Variants in CTNNA2 observed in about 807,000 individuals in gnomAD.
CTNNA2 encodes the protein catenin alpha 2.
CTNNA2 carries 42 observed loss-of-function variants against 101.0 expected under a neutral mutation model. The ratio of observed to expected loss-of-function variants is 0.42; its 90% CI spans 0.32 to 0.54. The LOEUF is 0.54. Among genes scored for constraint, CTNNA2 ranks in the 20% least tolerant of loss-of-function variants. CTNNA2 has a pLI of 0.14. For synonymous variants in CTNNA2, 450 were observed against 456.4 expected, an observed-to-expected ratio of 0.99 and a Z score of 0.18; for missense variants, 871 against 1,223.1, an observed-to-expected ratio of 0.71 and a Z score of 4.29.
rs1387612347 is a variant in CTNNA2 at position 79,328,561 on chromosome 2, G to T, written c.-318+15765G>T. On this transcript the variant is annotated intron_variant, in intron 3 of 21. Transcript: ENST00000466387. ...AAGGACCTAGGAGGTATTAAGGGCTGGTAGTGTGTTAGCTTTTATGATGTT... is the reference window on the plus strand; with the variant it reads ...AAGGACCTAGGAGGTATTAAGGGCTTGTAGTGTGTTAGCTTTTATGATGTT... 2.0e-5 allele frequency among the ~76,000 whole-genome samples: 3 copies of T among 152,262 alleles called. No homozygotes were observed. The East Asian group carries it at 5.8e-4, about 30-fold the overall frequency.
intron 9 of CTNNA2, among the ~76,000 whole-genome samples, chr2:80,510,091 A>T (rs1688593071): frequency 6.6e-6 from 1 of 152,214 alleles, no homozygotes; most frequent in African/African-American, 2.4e-5. Context: ...TTTATGGCAT[A>T]CAACAGATAT....
At chr2:80,236,697 C>A (rs1709568874) in intron 7 of CTNNA2, among the ~76,000 whole-genome samples, 1 of 152,276 alleles carries the variant, frequency 6.6e-6, no homozygotes, top group East Asian at 1.9e-4. Flanking sequence ...CACAAGTGAA[C>A]TTGAACTTGC....
chr2:79,200,475 T>C (rs753399876), intron 2 of CTNNA2, among the ~76,000 whole-genome samples: 3 of 152,094 alleles, frequency 2.0e-5, no homozygotes, highest in Admixed American at 6.5e-5. Flanking sequence ...ATTTACACTT[T>C]TGGGGTTCCA....
chr2:79,914,166 C>CAAAAAAAAA (rs55675912), intron 7 of CTNNA2, among the ~76,000 whole-genome samples: 2 of 90,620 alleles, frequency 2.2e-5, no homozygotes, highest in Admixed American at 1.4e-4. Context: ...GACTCCGTCT[C>CAAAAAAAAA]AAAAAAAAAA....
chr2:79,826,691 A>C (rs1037549563), intron 3 of CTNNA2, among the ~76,000 whole-genome samples: 4 of 152,230 alleles, frequency 2.6e-5, no homozygotes, highest in African/African-American at 4.8e-5. Context: ...GATAAATGCC[A>C]ATTTCTTCCA....
chr2:79,188,025 A>T (rs992669179), intron 1 of CTNNA2, among the ~76,000 whole-genome samples: 1 of 152,250 alleles, frequency 6.6e-6, no homozygotes, highest in Non-Finnish European at 1.5e-5. Flanking sequence ...GCAAGAGGAT[A>T]TCATAATTTC....
At chr2:80,522,484 T>C (rs1689655089) in intron 9 of CTNNA2, among the ~76,000 whole-genome samples, 3 of 152,142 alleles carry the variant, frequency 2.0e-5, no homozygotes, top group Admixed American at 6.5e-5. Flanking sequence ...AATAAAGCGG[T>C]TGGAGATATC....
chr2:79,334,019 T>C (rs2104421077), intron 3 of CTNNA2, among the ~76,000 whole-genome samples: 1 of 152,310 alleles, frequency 6.6e-6, no homozygotes, highest in African/African-American at 2.4e-5. Flanking sequence ...TTATACAATG[T>C]GTAATGATCA....
Position 80,419,531 on chromosome 2 carries a change from A to G in CTNNA2, c.1220A>G (p.Lys407Arg), listed in dbSNP as rs1680326121. 2 of 1,613,920 alleles carry G rather than the reference A, an allele frequency of 1.2e-6. No homozygotes were observed. The highest frequency in any genetic ancestry group is 4.5e-5 in the East Asian group (2 of 44,828). Residue 407 changes from lysine (K) to arginine (R), a missense_variant, in exon 9 of 19, where the codon AAG becomes AGG. By Grantham distance (26) the Lys-to-Arg change is conservative. Transcript: ENST00000402739. ...VPLLVLIEAA[K>R]SGNEKEVKEY... ...TTGCTAGTTCTCATTGAGGCTGCAA[A>G]GAGCGGAAATGAAAAGGAAGTGAAA...
intron 2 of CTNNA2, among the ~76,000 whole-genome samples, chr2:79,666,802 G>A (rs1435619405): frequency 2.0e-5 from 3 of 152,174 alleles, no homozygotes; most frequent in African/African-American, 7.2e-5. Context: ...CATAAGAGGG[G>A]TTTGTTTTGC....
intron 2 of CTNNA2, among the ~76,000 whole-genome samples, chr2:79,274,594 T>C (rs1293643956): frequency 6.6e-6 from 1 of 152,090 alleles, no homozygotes; most frequent in Non-Finnish European, 1.5e-5. Flanking sequence ...TGAAATGATA[T>C]GTATAATTAT....
intron 2 of CTNNA2, among the ~76,000 whole-genome samples, chr2:79,245,819 G>A (rs930081495): frequency 2.0e-5 from 3 of 152,128 alleles, no homozygotes; most frequent in African/African-American, 7.2e-5. Flanking sequence ...TTGAGCTTCA[G>A]GTGCAAACCC....
intron 7 of CTNNA2, among the ~76,000 whole-genome samples, chr2:80,221,721 T>A (rs1342556441): frequency 1.3e-5 from 2 of 152,210 alleles, no homozygotes; most frequent in Non-Finnish European, 2.9e-5. Context: ...TGATTTTCCA[T>A]GTGCTACATG....
intron 7 of CTNNA2, among the ~76,000 whole-genome samples, chr2:80,331,684 G>T (rs551644801): frequency 1.3e-5 from 2 of 152,130 alleles, no homozygotes; most frequent in Admixed American, 6.5e-5. Flanking sequence ...ACTACTTTTC[G>T]CTAGCAAAAA....
At chr2:79,831,360 C>T (rs1284156425) in intron 3 of CTNNA2, among the ~76,000 whole-genome samples, 1 of 152,076 alleles carries the variant, frequency 6.6e-6, no homozygotes, top group African/African-American at 2.4e-5. Context: ...TTTTCTTATG[C>T]TAACTCCAGC....
chr2:80,529,535 C>T (rs1573150932), intron 9 of CTNNA2, among the ~76,000 whole-genome samples: 1 of 151,990 alleles, frequency 6.6e-6, no homozygotes, highest in African/African-American at 2.4e-5. Context: ...GTTTTATAGC[C>T]CTCTTTTGTT....
chr2:79,690,991 A>C (rs1019486687), intron 2 of CTNNA2, among the ~76,000 whole-genome samples: 1 of 152,070 alleles, frequency 6.6e-6, no homozygotes, highest in Non-Finnish European at 1.5e-5. Context: ...AAATACAATA[A>C]ATGCAATTTT....
intron 7 of CTNNA2, among the ~76,000 whole-genome samples, chr2:80,300,158 C>CAA (rs910913231): frequency 1.3e-5 from 2 of 152,058 alleles, no homozygotes. Context: ...AAGCACCTCT[C>CAA]TTCTAGAACA....
chr2:79,724,765 A>G (rs1320999883), intron 2 of CTNNA2, among the ~76,000 whole-genome samples: 1 of 148,964 alleles, frequency 6.7e-6, no homozygotes. Context: ...CAGTGAGCCA[A>G]GATCATGCCA....
Sources: allele counts gnomAD v4.1 joint callset (sites outside exome capture counted in the v4.1 genomes callset), GRCh38; gene constraint gnomAD v4.1.1; transcripts MANE v1.5; gene names NCBI Gene and HGNC (gene_info 2026-07-23, HGNC 2026-07-21).